Variants in CEP112 observed in about 807,000 individuals in gnomAD.
CEP112 encodes the protein centrosomal protein 112, also known as centrosomal protein of 112 kDa.
A neutral mutation model predicts 153.0 loss-of-function variants in CEP112; 127 were observed. The ratio of observed to expected loss-of-function variants is 0.83; its 90% confidence interval spans 0.72 to 0.96. The LOEUF (loss-of-function observed/expected upper bound fraction) is 0.96. Ranked by LOEUF, CEP112 falls within the 40% of genes least tolerant of loss-of-function variation. The pLI is 0.00. For missense variants in CEP112, 1,089 were observed against 1,101.2 expected, an observed-to-expected ratio of 0.99 and a Z score of 0.16; for synonymous variants, 358 against 374.4, an observed-to-expected ratio of 0.96 and a Z score of 0.51.
At chr17:65,692,726 G>A (rs1482307235) in intron 23 of CEP112, among the ~76,000 whole-genome samples, 1 of 151,998 alleles carries the variant, frequency 6.6e-6, no homozygotes, top group Non-Finnish European at 1.5e-5. Flanking sequence ...CATCCATCTA[G>A]TGTTTAAGAG....
rs1051887122 is a variant in CEP112 at position 65,827,246 on chromosome 17, C to G, written c.2394+24558G>C. Among the ~76,000 whole-genome samples, 3 of 152,304 alleles carry G rather than the reference C, an allele frequency of 2.0e-5. No homozygotes were observed. In the South Asian group the frequency reaches 6.2e-4, roughly 32 times the overall value. Reference sequence around the variant, plus strand: ...TCCCTGCTCCTCAGCTTGCCACAGGCCCATTGTGGGACTTCACCTTGTGAG... The same window carrying G: ...TCCCTGCTCCTCAGCTTGCCACAGGGCCATTGTGGGACTTCACCTTGTGAG... On this transcript the variant is annotated intron_variant, in intron 21 of 26. Coordinates refer to ENST00000535342, the MANE Select transcript of CEP112 (RefSeq NM_001199165.4).
At chr17:66,168,498 T>C (rs1447982878) in intron 4 of CEP112, among the ~76,000 whole-genome samples, 1 of 151,464 alleles carries the variant, frequency 6.6e-6, no homozygotes, top group Non-Finnish European at 1.5e-5. Context: ...TGTGTGTATA[T>C]ATATGTATAT....
intron 16 of CEP112, among the ~76,000 whole-genome samples, chr17:66,011,879 T>C (rs8078540): frequency 0.93 from 141,005 of 152,248 alleles, 65,531 homozygotes; most frequent in East Asian, 0.97. Context: ...TCTCTAAGAA[T>C]TTGCTTTATG....
intron 21 of CEP112, chr17:65,804,296 ACT>A (rs1369803104): frequency 6.6e-6 from 1 of 152,054 alleles, no homozygotes; most frequent in Non-Finnish European, 1.5e-5. Flanking sequence ...CGCTCATAAC[ACT>A]GTTTTGTATT....
intron 2 of CEP112, among the ~76,000 whole-genome samples, chr17:66,178,405 C>A (rs962353746): frequency 6.6e-6 from 1 of 152,088 alleles, no homozygotes; most frequent in African/African-American, 2.4e-5. Flanking sequence ...ATTTTTAAAT[C>A]AGATTATTTG....
chr17:66,083,759 G>A (rs1013682374), intron 8 of CEP112, among the ~76,000 whole-genome samples: 3 of 152,118 alleles, frequency 2.0e-5, no homozygotes, highest in Non-Finnish European at 4.4e-5. Flanking sequence ...GCTGAGGCAG[G>A]AGAATTGCTC....
rs371842235 is a variant in CEP112 at position 65,975,755 on chromosome 17, TTC to T, written c.1737-14159_1737-14158del. On this transcript the variant is annotated intron_variant, in intron 17 of 26. Transcript: ENST00000535342. ...GCAACTGAAAGCCTTTTTTGGAATA[TTC>T]TGTTTTACTTAAGGTACACTCAGGA... Among the ~76,000 whole-genome samples, 20 of 152,308 alleles carry T rather than the reference TTC, an allele frequency of 1.3e-4. No individual in the cohort carries two copies. In the East Asian group the frequency reaches 3.3e-3, roughly 25 times the overall value.
intron 21 of CEP112, among the ~76,000 whole-genome samples, chr17:65,774,692 A>G (rs2053576160): frequency 6.6e-6 from 1 of 152,156 alleles, no homozygotes; most frequent in Admixed American, 6.5e-5. Flanking sequence ...CCATGGCATG[A>G]TAGAGCCACT....
chr17:65,650,467 C>T (rs1356774246), intron 24 of CEP112, among the ~76,000 whole-genome samples: 2 of 152,178 alleles, frequency 1.3e-5, no homozygotes, highest in African/African-American at 4.8e-5. Flanking sequence ...GCATTTTTAG[C>T]CCCTGTCATC....
At chr17:66,077,556 G>A (rs1352628692) in intron 8 of CEP112, among the ~76,000 whole-genome samples, 1 of 152,156 alleles carries the variant, frequency 6.6e-6, no homozygotes, top group African/African-American at 2.4e-5. Flanking sequence ...CAAGAAGCCT[G>A]GGATTATGTG....
At chr17:65,964,374 T>G (rs2062332273) in intron 17 of CEP112, among the ~76,000 whole-genome samples, 1 of 152,358 alleles carries the variant, frequency 6.6e-6, no homozygotes, top group South Asian at 2.1e-4. Flanking sequence ...CTCTGATGGC[T>G]ATAAAGAATT....
intron 18 of CEP112, among the ~76,000 whole-genome samples, chr17:65,934,567 AC>A (rs1568252369): frequency 1.3e-5 from 2 of 152,332 alleles, no homozygotes; most frequent in East Asian, 3.9e-4. Context: ...ATATAAATGA[AC>A]TAAATTCTCC....
At chr17:65,973,426 C>T (rs184930260) in intron 17 of CEP112, among the ~76,000 whole-genome samples, 101 of 152,150 alleles carry the variant, frequency 6.6e-4, no homozygotes, top group Non-Finnish European at 1.3e-3. Flanking sequence ...AACAGTCAAC[C>T]CAATTTAAAA....
chr17:66,057,516 G>C (rs2066741426), intron 11 of CEP112, among the ~76,000 whole-genome samples: 1 of 152,120 alleles, frequency 6.6e-6, no homozygotes, highest in Admixed American at 6.5e-5. Flanking sequence ...AGACCAAGGA[G>C]AGATTTTAAA....
intron 21 of CEP112, among the ~76,000 whole-genome samples, chr17:65,769,043 T>C (rs185329816): frequency 4.6e-5 from 7 of 152,084 alleles, no homozygotes; most frequent in Admixed American, 3.9e-4. Flanking sequence ...ATCCCAAAGA[T>C]TGCACACAAA....
intron 23 of CEP112, 23 bp downstream of exon 23, chr17:65,743,045 G>C (rs1052868727): frequency 1.3e-6 from 2 of 1,579,920 alleles, no homozygotes; most frequent in South Asian, 1.2e-5. Flanking sequence ...TGGTACCACT[G>C]GTTACTGAAG....
At position 66,177,463 on chromosome 17, in the gene CEP112, T is replaced by C. The variant is rs1004649869; in HGVS notation, c.107-443A>G. 4.6e-5 allele frequency among the ~76,000 whole-genome samples: 7 copies of C among 152,222 alleles called. No homozygotes were observed. In the East Asian group the frequency reaches 1.3e-3, roughly 29 times the overall value. Reference sequence around the variant, plus strand: ...AATTATTGTGAGTACACAGTAGATATATATATTTAGGCAGTACATGAGATA... The same window carrying C: ...AATTATTGTGAGTACACAGTAGATACATATATTTAGGCAGTACATGAGATA... On this transcript the variant is annotated intron_variant, in intron 2 of 26. Transcript: ENST00000535342.
chr17:66,116,921 CAGT>C (rs138793454), intron 6 of CEP112, among the ~76,000 whole-genome samples: 278 of 134,110 alleles, frequency 2.1e-3, no homozygotes, highest in African/African-American at 7.4e-3. Flanking sequence ...GGCTGGGAAA[CAGT>C]GGTGCGATCT....
chr17:65,969,964 A>C (rs2062600020), intron 17 of CEP112, among the ~76,000 whole-genome samples: 1 of 152,164 alleles, frequency 6.6e-6, no homozygotes, highest in African/African-American at 2.4e-5. Flanking sequence ...TATTAAATGT[A>C]TGTATAACAT....
Sources: gnomAD v4.1 joint callset for allele counts (sites outside exome capture counted in the v4.1 genomes callset) on GRCh38, gnomAD v4.1.1 for gene constraint, MANE v1.5 for transcripts, NCBI Gene and HGNC (gene_info 2026-07-23, HGNC 2026-07-21) for gene names.